The following NTRK3 variants were observed in gnomAD, a reference collection of about 807,000 sequenced individuals.
The protein encoded by NTRK3 is neurotrophic receptor tyrosine kinase 3.
NTRK3 carries 24 observed loss-of-function variants against 91.7 expected under a neutral mutation model. The observed-to-expected ratio is 0.26, with a 90% CI of 0.19 to 0.37. The LOEUF (loss-of-function observed/expected upper bound fraction) is 0.37, where lower values mean the gene tolerates loss of function less well. Among genes scored for constraint, NTRK3 ranks in the 10% least tolerant of loss-of-function variants. NTRK3 has a pLI of 1.00. For missense variants in NTRK3, 880 were observed against 1,068.9 expected, an observed-to-expected ratio of 0.82 and a Z score of 2.46; for synonymous variants, 483 against 404.0, an observed-to-expected ratio of 1.20 and a Z score of -2.34.
chr15:88,137,966 G>A (rs1000004529), intron 6 of NTRK3, among the ~76,000 whole-genome samples: 23 of 151,962 alleles, frequency 1.5e-4, no homozygotes, highest in South Asian at 4.2e-4. Flanking sequence ...CAGGAGAATC[G>A]CTTGAACCCA....
At chr15:88,035,550 T>C (rs575639728) in intron 13 of NTRK3, among the ~76,000 whole-genome samples, 2 of 152,342 alleles carry the variant, frequency 1.3e-5, no homozygotes, top group East Asian at 3.9e-4. Context: ...GTCAAGCTCA[T>C]TCTGTGATCA....
intron 13 of NTRK3, among the ~76,000 whole-genome samples, chr15:88,105,819 C>T (rs2050644448): frequency 6.6e-6 from 1 of 152,142 alleles, no homozygotes; most frequent in African/African-American, 2.4e-5. Flanking sequence ...GTGCCAAATG[C>T]TTTCCATATG....
chr15:88,012,001 C>G (rs1276762007), intron 14 of NTRK3, among the ~76,000 whole-genome samples: 1 of 152,162 alleles, frequency 6.6e-6, no homozygotes, highest in Non-Finnish European at 1.5e-5. Context: ...TTAGTCCCAC[C>G]TTATGACAGA....
intron 3 of NTRK3, among the ~76,000 whole-genome samples, chr15:88,207,718 G>A (rs1162374311): frequency 7.6e-6 from 1 of 131,106 alleles, no homozygotes; most frequent in Non-Finnish European, 1.8e-5. Flanking sequence ...ATTTTCCCCA[G>A]ATAAGCCAAG....
At chr15:87,916,640 C>T (rs2141799413) in intron 17 of NTRK3, 1 of 697,370 alleles carries the variant, frequency 1.4e-6, no homozygotes, top group East Asian at 2.7e-5. Flanking sequence ...TAGAAACCAC[C>T]CTCAGAAATA....
intron 14 of NTRK3, among the ~76,000 whole-genome samples, chr15:87,966,249 G>T (rs1433329644): frequency 1.3e-5 from 2 of 152,240 alleles, no homozygotes; most frequent in Non-Finnish European, 2.9e-5. Flanking sequence ...GGAATAATTA[G>T]AAGCACACAC....
chr15:88,187,278 A>G (rs1278738828), intron 3 of NTRK3, among the ~76,000 whole-genome samples: 3 of 152,200 alleles, frequency 2.0e-5, no homozygotes, highest in African/African-American at 4.8e-5. Flanking sequence ...GTTTATACAC[A>G]GGTTCAAGGA....
intron 3 of NTRK3, among the ~76,000 whole-genome samples, chr15:88,254,697 C>T (rs1198208185): frequency 6.6e-6 from 1 of 152,128 alleles, no homozygotes; most frequent in African/African-American, 2.4e-5. Flanking sequence ...TTAAGTCCGT[C>T]GAAGGGGTAA....
At chr15:88,140,906 A>G (rs1429586128) in intron 6 of NTRK3, among the ~76,000 whole-genome samples, 1 of 152,188 alleles carries the variant, frequency 6.6e-6, no homozygotes, top group African/African-American at 2.4e-5. Flanking sequence ...TTAACATCAC[A>G]AGGAAGGCAA....
chr15:87,883,017 T>C (rs1020851431), intron 17 of NTRK3, among the ~76,000 whole-genome samples: 1 of 151,494 alleles, frequency 6.6e-6, no homozygotes, highest in Non-Finnish European at 1.5e-5. Context: ...TAAAACAAAA[T>C]GGCAGAAAAC....
intron 6 of NTRK3, among the ~76,000 whole-genome samples, chr15:88,140,267 T>C (rs1333679531): frequency 2.0e-5 from 3 of 152,138 alleles, no homozygotes; most frequent in East Asian, 1.9e-4. Flanking sequence ...CTGGTTAAGA[T>C]TGCTTATAAA....
chr15:88,055,189 G>A (rs1234242928), intron 13 of NTRK3, among the ~76,000 whole-genome samples: 2 of 152,144 alleles, frequency 1.3e-5, no homozygotes, highest in Non-Finnish European at 2.9e-5. Flanking sequence ...GGAACTCGAA[G>A]CTCTTTGCCA....
intron 3 of NTRK3, among the ~76,000 whole-genome samples, chr15:88,196,926 G>A (rs2047872335): frequency 6.6e-6 from 1 of 151,846 alleles, no homozygotes; most frequent in Non-Finnish European, 1.5e-5. Flanking sequence ...GGACAGAATG[G>A]CTCACTCTTC....
At chr15:88,084,808 G>T (rs143782432) in intron 13 of NTRK3, among the ~76,000 whole-genome samples, 2 of 152,126 alleles carry the variant, frequency 1.3e-5, no homozygotes, top group Non-Finnish European at 2.9e-5. Flanking sequence ...CTCTACAATG[G>T]GTGCACAGCT....
chr15:88,126,396 A>G (rs1278259656), intron 12 of NTRK3, 23 bp from the exon 13 acceptor site: 1 of 1,538,914 alleles, frequency 6.5e-7, no homozygotes, highest in Non-Finnish European at 9.0e-7. Context: ...AGAAACAGAG[A>G]GTCAGCAACA....
intron 6 of NTRK3, among the ~76,000 whole-genome samples, chr15:88,140,041 A>C (rs1176311434): frequency 6.6e-6 from 1 of 152,206 alleles, no homozygotes; most frequent in African/African-American, 2.4e-5. Context: ...TGTGTCAAGG[A>C]GTGCTGGGAA....
chr15:87,931,699 TC>T (rs2068809244), intron 16 of NTRK3, among the ~76,000 whole-genome samples: 1 of 152,216 alleles, frequency 6.6e-6, no homozygotes, highest in South Asian at 2.1e-4. Context: ...TGCTTTCATT[TC>T]CTTTAGGGCC....
At chr15:88,207,361 C>G (rs898356666) in intron 3 of NTRK3, among the ~76,000 whole-genome samples, 2 of 152,212 alleles carry the variant, frequency 1.3e-5, no homozygotes, top group Admixed American at 6.5e-5. Flanking sequence ...CTCTTTCCCC[C>G]CAACACCTTC....
intron 5 of NTRK3, among the ~76,000 whole-genome samples, chr15:88,150,227 T>C (rs2043248452): frequency 1.3e-5 from 2 of 151,910 alleles, no homozygotes; most frequent in African/African-American, 4.8e-5. Flanking sequence ...GCCCTGCCCA[T>C]CTCAGAGGGA....
Sources: allele counts gnomAD v4.1 joint callset (sites outside exome capture counted in the v4.1 genomes callset), GRCh38; gene constraint gnomAD v4.1.1; transcripts MANE v1.5; gene names NCBI Gene and HGNC (gene_info 2026-07-23, HGNC 2026-07-21).